Variants in DDX5 observed in about 807,000 individuals in gnomAD.
The protein encoded by DDX5 is probable ATP-dependent RNA helicase DDX5.
A neutral mutation model predicts 68.6 loss-of-function variants in DDX5; 6 were observed. The ratio of observed to expected loss-of-function variants is 0.09; its 90% CI spans 0.05 to 0.17. The LOEUF (loss-of-function observed/expected upper bound fraction) is 0.17. DDX5 is among the 10% of genes least tolerant of loss of function. The pLI, the probability that DDX5 is intolerant of heterozygous loss-of-function variation, is 1.00. For missense variants in DDX5, 499 were observed against 756.1 expected (o/e 0.66, Z 3.99); for synonymous variants, 350 against 247.0 (o/e 1.42, Z -3.91).
chr17:64,503,623 T>A, intron 5 of DDX5, 52 bp from the exon 6 acceptor site: 1 of 1,601,926 alleles, frequency 6.2e-7, no homozygotes, highest in African/African-American at 1.3e-5. Context: ...AGTTTTAAAC[T>A]GCTAACTTAT....
chr17:64,506,631 C>T (rs2038541880), upstream of DDX5: 1 of 385,566 alleles, frequency 2.6e-6, no homozygotes, highest in Non-Finnish European at 4.8e-6. Context: ...CGTCTGTAAC[C>T]AAAAGAGGGG....
chr17:64,504,984 C>CTT (rs2038397613), intron 1 of DDX5, 142 bp from the exon 2 acceptor site: 1 of 574,144 alleles, frequency 1.7e-6, no homozygotes, highest in African/African-American at 3.1e-5. Flanking sequence ...TCGTGAAAAT[C>CTT]TCTCTCTCTC....
upstream of DDX5, chr17:64,506,494 C>T (rs1385491252): frequency 2.2e-6 from 2 of 921,688 alleles, no homozygotes; most frequent in Non-Finnish European, 1.5e-6. Context: ...ATGCCTCATT[C>T]TGCACTCTCT....
At chr17:64,505,812 A>C in intron 1 of DDX5, 10 of 1,535,586 alleles carry the variant, frequency 6.5e-6, no homozygotes, top group Non-Finnish European at 8.7e-6. Flanking sequence ...CTCCCTCTCA[A>C]CTCCCTCAAC....
intron 1 of DDX5, chr17:64,505,208 G>A (rs1251827855): frequency 7.7e-6 from 2 of 259,850 alleles, no homozygotes; most frequent in Middle Eastern, 1.3e-3. Context: ...CAATAACAAG[G>A]CTACATGAAC....
chr17:64,501,848 A>G (rs2038304818), intron 11 of DDX5, 162 bp downstream of exon 11: 2 of 669,042 alleles, frequency 3.0e-6, no homozygotes, highest in Admixed American at 5.7e-5. Flanking sequence ...ATCCCCCTCG[A>G]GTCCTCCGAT....
Position 64,506,261 on chromosome 17 carries a change from T to C in DDX5, c.-142A>G, listed in dbSNP as rs533890951. ...CCGATGACACCAGCCGAAGCTGCAC[T>C]ACTAGAGACCGGTAGAAATGAATGA... On this transcript the variant is annotated 5_prime_UTR_variant, in exon 1 of 13. Coordinates refer to ENST00000225792, the MANE Select transcript of DDX5 (RefSeq NM_004396.5). 39 of 1,542,722 alleles carry C rather than the reference T, an allele frequency of 2.5e-5. No individual in the cohort carries two copies. The highest frequency in any genetic ancestry group is 7.9e-5 in the Admixed American group (4 of 50,898).
In DDX5 at chr17:64,504,332, T is replaced by A. The variant is rs954507852; in HGVS notation, c.211-14A>T. The stretch of plus-strand genomic sequence containing the variant: ...TTCCACCTCTTGCTGCAAAACAAAT[T>A]ATAACAGTCTTAAAATTCATGACAA... On this transcript the variant is annotated splice_polypyrimidine_tract_variant and intron_variant, in intron 2 of 12. Coordinates refer to ENST00000225792, the MANE Select transcript of DDX5 (RefSeq NM_004396.5). The A allele has an allele frequency of 6.2e-7, 1 of 1,606,338 alleles. No homozygotes were observed. The highest frequency in any genetic ancestry group is 1.7e-4 in the Middle Eastern group (1 of 6,056).
At chr17:64,506,608 C>G (rs1470104065), upstream of DDX5, 1 of 395,258 alleles carries the variant, frequency 2.5e-6, no homozygotes, top group Admixed American at 4.1e-5. Flanking sequence ...TTTACGTCTC[C>G]AAAGAGCCCT....
chr17:64,505,349 C>A (rs2038433661), intron 1 of DDX5: 2 of 410,108 alleles, frequency 4.9e-6, no homozygotes, highest in Non-Finnish European at 4.5e-6. Flanking sequence ...GCTAGCAAAC[C>A]CAGCTGGGGG....
Position 64,504,286 on chromosome 17 carries a change from T to C in DDX5, c.243A>G (p.Glu81=), listed in dbSNP as rs1555671702. Reference sequence around the variant, plus strand: ...GGCAGTTGTGACCTCTAACTGTAATTTCCTTGCTTCTTCTGTATGTTTCCA... The same window carrying C: ...GGCAGTTGTGACCTCTAACTGTAATCTCCTTGCTTCTTCTGTATGTTTCCA... ...QEVETYRRSK[E]ITVRGHNCPK... Residue 81 remains glutamate (E), a synonymous_variant, in exon 3 of 13, where the codon GAA becomes GAG. Transcript: ENST00000225792. 2 of 1,614,002 alleles carry C rather than the reference T, an allele frequency of 1.2e-6. No homozygotes were observed. The highest frequency in any genetic ancestry group is 2.7e-5 in the African/African-American group (2 of 74,906).
rs782158885 is a variant in DDX5 at position 64,500,558 on chromosome 17, T to C, written c.1432A>G (p.Arg478Gly). ...TATCAGTCATCCTTACCTGAACCTC[T>C]GTCTTCGACCAACTGAAGCAACTTG... is the stretch of plus-strand genomic sequence containing the variant. Reference protein sequence around the residue: ...NPKLLQLVEDRGSGRSRGRGG... With the variant: ...NPKLLQLVEDGGSGRSRGRGG... The change falls in exon 12 of 13, where the codon AGA (arginine) becomes GGA (glycine). Residue 478 changes from arginine to glycine, a missense_variant. Around this residue, in one of 5 missense-constraint regions of DDX5, gnomAD observed 171 missense variants for 174.8 expected, o/e 0.98. Coordinates refer to ENST00000225792, the MANE Select transcript of DDX5 (RefSeq NM_004396.5). The C allele has an allele frequency of 3.7e-6, 6 of 1,613,390 alleles. No homozygotes were observed. The highest frequency in any genetic ancestry group is 5.1e-6 in the Non-Finnish European group (6 of 1,179,656).
Position 64,505,790 on chromosome 17 carries a change from C to A in DDX5, c.44+286G>T, listed in dbSNP as rs1259108264. The A allele has an allele frequency of 3.9e-6, 6 of 1,536,048 alleles. No homozygotes were observed. In the African/African-American group the frequency reaches 6.8e-5, roughly 18 times the overall value. ...CTGCCTCGAAGCGTCCCGCTTTCAT[C>A]CGCACAATACGCTCCCTCTCAACTC... On this transcript the variant is annotated intron_variant, in intron 1 of 12. Coordinates refer to ENST00000225792, the MANE Select transcript of DDX5 (RefSeq NM_004396.5).
intron 8 of DDX5, 34 bp from the exon 9 acceptor site, chr17:64,502,583 G>C (rs781868095): frequency 1.3e-6 from 2 of 1,481,502 alleles, no homozygotes; most frequent in Admixed American, 3.4e-5. Context: ...AAAATCCTGA[G>C]TTTTAAAAGA....
intron 2 of DDX5, 147 bp downstream of exon 2, chr17:64,504,530 C>A: frequency 9.1e-7 from 1 of 1,098,246 alleles, no homozygotes; most frequent in Non-Finnish European, 1.3e-6. Flanking sequence ...CACCTATATC[C>A]AAAAGTGAGT....
Position 64,503,476 on chromosome 17 carries a change from G to A in DDX5, c.603C>T (p.Ile201=), listed in dbSNP as rs782278629. ...CRACRLKSTC[I]YGGAPKGPQI... is the part of the protein sequence containing the mutation. ...GTGGTCCCTTAGGAGCACCACCGTAGATACAAGTAGACTTCAAGCGACATG... is the reference window on the plus strand; with the variant it reads ...GTGGTCCCTTAGGAGCACCACCGTAAATACAAGTAGACTTCAAGCGACATG... Residue 201 remains isoleucine, a synonymous_variant, in exon 6 of 13, where the codon ATC becomes ATT. Coordinates refer to ENST00000225792, the MANE Select transcript of DDX5 (RefSeq NM_004396.5). 6.2e-7 allele frequency: 1 copy of A among 1,614,226 alleles called. No homozygotes were observed. The highest frequency in any genetic ancestry group is 8.5e-7 in the Non-Finnish European group (1 of 1,180,054).
At chr17:64,501,803 T>C (rs969605561) in intron 11 of DDX5, 10 of 598,896 alleles carry the variant, frequency 1.7e-5, no homozygotes, top group Admixed American at 6.0e-5. Flanking sequence ...ACCTCTCTAA[T>C]CGACTGGAAG....
In DDX5 at chr17:64,499,010, T is replaced by C. The variant is rs1555670391; in HGVS notation, c.*913A>G. On this transcript the variant is annotated 3_prime_UTR_variant, in exon 13 of 13. Transcript: ENST00000225792. The stretch of plus-strand genomic sequence containing the variant: ...TTGGAAAGACATTCATGACTCCCAG[T>C]GTGACTAGTTAAGAGCCCCAGGGAG... Among the ~76,000 whole-genome samples the C allele has an allele frequency of 1.3e-5, 2 of 152,218 alleles. No homozygotes were observed. Among genetic ancestry groups the C allele is most frequent in the African/African-American group, 4.8e-5 (2 of 41,460 alleles).
At chr17:64,506,031 C>CAAA in intron 1 of DDX5, 45 bp downstream of exon 1, 1 of 1,381,848 alleles carries the variant, frequency 7.2e-7, no homozygotes, top group Non-Finnish European at 9.8e-7. Flanking sequence ...CCCGCCCTCC[C>CAAA]ATCCCCCCAC....
Sources: gnomAD v4.1 joint callset for allele counts (sites outside exome capture counted in the v4.1 genomes callset) on GRCh38, gnomAD v4.1.1 for gene constraint, gnomAD v4.1.1 regional missense constraint, MANE v1.5 for transcripts, NCBI Gene and HGNC (gene_info 2026-07-23, HGNC 2026-07-21) for gene names.